ZNF536: variants seen among roughly 807,000 people sequenced by gnomAD.
ZNF536 encodes the protein zinc finger protein 536.
Under a neutral mutation model 84.5 loss-of-function variants are expected in ZNF536, and 13 were observed. The observed-to-expected ratio is 0.15, with a 90% confidence interval of 0.10 to 0.24. The LOEUF is 0.24. Ranked by LOEUF, ZNF536 falls within the 10% of genes least tolerant of loss-of-function variation. ZNF536 has a pLI of 1.00. For synonymous variants in ZNF536, 811 were observed against 742.5 expected (o/e 1.09, Z -1.50); for missense variants, 1,536 against 1,747.5 (o/e 0.88, Z 2.16).
At chr19:30,253,670 G>T (rs1188153496) in intron 1 of ZNF536, among the ~76,000 whole-genome samples, 1 of 152,180 alleles carries the variant, frequency 6.6e-6, no homozygotes, top group South Asian at 2.1e-4. Context: ...TGTGTGCCCC[G>T]GCTGGGCGGG....
intron 1 of ZNF536, among the ~76,000 whole-genome samples, chr19:30,591,120 G>A (rs1438170339): frequency 1.3e-5 from 2 of 152,234 alleles, no homozygotes; most frequent in Admixed American, 6.5e-5. Flanking sequence ...CACTCATTTG[G>A]TGGAAGAGAA....
At chr19:30,563,472 A>G (rs1290644634) in intron 1 of ZNF536, among the ~76,000 whole-genome samples, 1 of 152,204 alleles carries the variant, frequency 6.6e-6, no homozygotes, top group Non-Finnish European at 1.5e-5. Flanking sequence ...AGATTCTTGT[A>G]TCAGTGGTTT....
chr19:30,474,318 T>C (rs78665458), intron 2 of ZNF536, among the ~76,000 whole-genome samples: 1,640 of 151,750 alleles, frequency 0.011, 34 homozygotes, highest in African/African-American at 0.038. Flanking sequence ...CCTCTTTCTC[T>C]CTCTCTCTCT....
At chr19:30,514,653 A>G (rs540045410) in intron 2 of ZNF536, among the ~76,000 whole-genome samples, 1 of 151,972 alleles carries the variant, frequency 6.6e-6, no homozygotes, top group African/African-American at 2.4e-5. Context: ...GCTTGATTCC[A>G]GAGGGCACCA....
intron 1 of ZNF536, among the ~76,000 whole-genome samples, chr19:30,615,908 A>G (rs1430183568): frequency 6.6e-6 from 1 of 151,124 alleles, no homozygotes; most frequent in Non-Finnish European, 1.5e-5. Flanking sequence ...CTGCCTCTCT[A>G]TCTCTCTGTC....
intron 1 of ZNF536, among the ~76,000 whole-genome samples, chr19:30,237,605 A>G (rs2023630896): frequency 6.6e-6 from 1 of 152,194 alleles, no homozygotes; most frequent in Non-Finnish European, 1.5e-5. Context: ...CTTAACCTTC[A>G]GAGTAACATG....
chr19:30,445,205 A>G lies in ZNF536; in HGVS notation c.1643A>G (p.His548Arg), dbSNP rs2148215291. ...LSKEHPLQRN[H>R]EDTLANAGVL... is the part of the protein sequence containing the mutation. ...AAAGAGCATCCGCTGCAGCGCAACC[A>G]CGAAGACACTTTGGCAAACGCCGGG... is the stretch of plus-strand genomic sequence containing the variant. Residue 548 changes from histidine to arginine, a missense_variant, in exon 2 of 5, where the codon CAC (histidine) becomes CGC (arginine). Physicochemically the swap from His to Arg is conservative, Grantham distance 29. Around this residue, in one of 8 missense-constraint regions of ZNF536, gnomAD observed 366 missense variants for 364.4 expected, o/e 1.00. Transcript: ENST00000355537. This position sits in a 1 kb window ranked among gnomAD's most constrained non-coding sequence, Gnocchi z 4.5. 1 of 1,614,132 alleles carries G rather than the reference A, an allele frequency of 6.2e-7. No individual in the cohort carries two copies. The highest frequency in any genetic ancestry group is 1.1e-5 in the South Asian group (1 of 91,082).
chr19:30,605,126 A>G (rs542575803), intron 1 of ZNF536, among the ~76,000 whole-genome samples: 19 of 152,218 alleles, frequency 1.2e-4, no homozygotes, highest in Admixed American at 2.0e-4. Context: ...TGTTCCTGCC[A>G]TTGATGCTGT....
At chr19:30,553,515 G>C (rs781250464) in intron 4 of ZNF536, among the ~76,000 whole-genome samples, 1 of 152,236 alleles carries the variant, frequency 6.6e-6, no homozygotes, top group Non-Finnish European at 1.5e-5. Flanking sequence ...GCTTTGCACT[G>C]TGTCCTTTGG....
intron 1 of ZNF536, among the ~76,000 whole-genome samples, chr19:30,572,197 C>G (rs934157133): frequency 6.6e-6 from 1 of 152,186 alleles, no homozygotes; most frequent in Non-Finnish European, 1.5e-5. Flanking sequence ...CTGAAAGAGC[C>G]CTTCTCTGGA....
intron 2 of ZNF536, among the ~76,000 whole-genome samples, chr19:30,295,761 A>T (rs2045977128): frequency 6.6e-6 from 1 of 152,210 alleles, no homozygotes; most frequent in South Asian, 2.1e-4. Context: ...AAATGTTTGA[A>T]AACCTCTGAA....
chr19:30,239,522 C>T (rs972666983), intron 1 of ZNF536, among the ~76,000 whole-genome samples: 16 of 152,164 alleles, frequency 1.1e-4, no homozygotes, highest in Non-Finnish European at 1.9e-4. Flanking sequence ...GTTGGAGAAT[C>T]GACAGTCATG....
intron 1 of ZNF536, among the ~76,000 whole-genome samples, chr19:30,388,348 A>G (rs868189426): frequency 6.6e-6 from 1 of 152,254 alleles, no homozygotes; most frequent in African/African-American, 2.4e-5. Flanking sequence ...ACAATTATGG[A>G]TACTCGGTGG....
At chr19:30,547,687 G>A (rs940453459) in intron 3 of ZNF536, among the ~76,000 whole-genome samples, 2 of 152,020 alleles carry the variant, frequency 1.3e-5, no homozygotes, top group African/African-American at 2.4e-5. Flanking sequence ...ATCTACAGCC[G>A]TTTTCACATG....
At chr19:30,597,585 C>T (rs973613704) in intron 1 of ZNF536, among the ~76,000 whole-genome samples, 7 of 152,118 alleles carry the variant, frequency 4.6e-5, no homozygotes, top group African/African-American at 7.2e-5. Flanking sequence ...GGCTCTTCTG[C>T]TTTGTAGCTG....
At chr19:30,611,096 T>C (rs1202279380) in intron 1 of ZNF536, among the ~76,000 whole-genome samples, 1 of 152,018 alleles carries the variant, frequency 6.6e-6, no homozygotes, top group African/African-American at 2.4e-5. Flanking sequence ...TAGGATAGGG[T>C]TAGGAGAGGG....
At chr19:30,367,028 T>C (rs2048457341) in intron 3 of ZNF536, among the ~76,000 whole-genome samples, 1 of 152,162 alleles carries the variant, frequency 6.6e-6, no homozygotes, top group Non-Finnish European at 1.5e-5. Context: ...CTGGATGAGT[T>C]TGAGGAGCAG....
At chr19:30,493,088 ACT>A (rs2054571469) in intron 2 of ZNF536, among the ~76,000 whole-genome samples, 3 of 85,822 alleles carry the variant, frequency 3.5e-5, no homozygotes, top group African/African-American at 1.7e-4. Flanking sequence ...AATATTACTC[ACT>A]TTTTTTTTTT....
chr19:30,692,480 G>A (rs533111313), intron 1 of ZNF536, among the ~76,000 whole-genome samples: 7 of 152,350 alleles, frequency 4.6e-5, no homozygotes, highest in Admixed American at 6.5e-5. Flanking sequence ...AACACACCAG[G>A]GAGATTGTAG....
Sources: allele counts gnomAD v4.1 joint callset (sites outside exome capture counted in the v4.1 genomes callset), GRCh38; gene constraint gnomAD v4.1.1; regional missense constraint gnomAD v4.1.1; non-coding constraint Gnocchi (gnomAD v3.1); transcripts MANE v1.5; gene names NCBI Gene and HGNC (gene_info 2026-07-23, HGNC 2026-07-21).